Variants in NEK7 observed in about 807,000 individuals in gnomAD.
NEK7 encodes NIMA related kinase 7, also known as serine/threonine-protein kinase Nek7.
Under a neutral mutation model 44.6 loss-of-function variants are expected in NEK7, and 18 were observed. The ratio of observed to expected loss-of-function variants is 0.40; its 90% CI spans 0.28 to 0.60. The LOEUF (loss-of-function observed/expected upper bound fraction) is 0.60, where lower values mean the gene tolerates loss of function less well. Among genes scored for constraint, NEK7 ranks in the 20% least tolerant of loss-of-function variants. The pLI is 0.38. For missense variants in NEK7, 256 were observed against 366.5 expected (o/e 0.70, Z 2.46); for synonymous variants, 130 against 121.1 (o/e 1.07, Z -0.48).
At chr1:198,281,403 T>G (rs1337467197) in intron 7 of NEK7, among the ~76,000 whole-genome samples, 2 of 152,032 alleles carry the variant, frequency 1.3e-5, no homozygotes, top group African/African-American at 4.8e-5. Context: ...GTTGATTCAT[T>G]TTTTAATTTT....
intron 9 of NEK7, among the ~76,000 whole-genome samples, chr1:198,313,742 T>A (rs1014471827): frequency 9.4e-6 from 1 of 106,146 alleles, no homozygotes; most frequent in Non-Finnish European, 1.7e-5. Flanking sequence ...GAAAATTCTT[T>A]TCTTTAAGAA....
chr1:198,272,937 GT>G (rs1204782897), intron 5 of NEK7, among the ~76,000 whole-genome samples: 2 of 151,430 alleles, frequency 1.3e-5, no homozygotes, highest in Non-Finnish European at 3.0e-5. Context: ...AATTTAAGAG[GT>G]TTTTTTCCCT....
intron 1 of NEK7, chr1:198,198,251 A>G: frequency 3.6e-6 from 2 of 548,240 alleles, no homozygotes; most frequent in Non-Finnish European, 6.7e-6. Flanking sequence ...TCAGCTCAAT[A>G]CATTTTTAGA....
chr1:198,257,478 G>A (rs1246720062), intron 3 of NEK7, among the ~76,000 whole-genome samples: 1 of 152,032 alleles, frequency 6.6e-6, no homozygotes, highest in African/African-American at 2.4e-5. Context: ...TAATACATAG[G>A]CTGATTTTAA....
chr1:198,217,300 A>G (rs1665949377), intron 1 of NEK7, among the ~76,000 whole-genome samples: 1 of 152,128 alleles, frequency 6.6e-6, no homozygotes, highest in Admixed American at 6.5e-5. Flanking sequence ...GTGCAAGTCA[A>G]TAAATGTGAT....
chr1:198,218,465 A>G (rs1665989461), intron 1 of NEK7, among the ~76,000 whole-genome samples: 1 of 151,986 alleles, frequency 6.6e-6, no homozygotes, highest in African/African-American at 2.4e-5. Context: ...AACTATAAAA[A>G]TTCTAGAAGA....
chr1:198,252,546 A>G lies in NEK7; in HGVS notation c.58-494A>G, dbSNP rs1400629184. On this transcript the variant is annotated intron_variant, in intron 2 of 9. Transcript: ENST00000367385. ...TCACATACTATATATATATATATATATATATATATATATATATATATAAAA... is the reference window on the plus strand; with the variant it reads ...TCACATACTATATATATATATATATGTATATATATATATATATATATAAAA... 2.2e-4 allele frequency among the ~76,000 whole-genome samples: 13 copies of G among 58,914 alleles called. No homozygotes were observed. The East Asian group carries it at 8.1e-3, about 37-fold the overall frequency. 38.6% of individuals were successfully genotyped at this position (58,914 alleles called of 152,430 possible).
intron 7 of NEK7, among the ~76,000 whole-genome samples, chr1:198,280,733 A>G (rs548189107): frequency 5.4e-5 from 8 of 148,520 alleles, no homozygotes; most frequent in South Asian, 2.1e-4. Flanking sequence ...TGTAATATAT[A>G]TACATTATGT....
intron 5 of NEK7, among the ~76,000 whole-genome samples, chr1:198,265,577 T>C (rs1455756375): frequency 1.3e-5 from 2 of 152,084 alleles, no homozygotes; most frequent in African/African-American, 4.8e-5. Context: ...GAGTACATAT[T>C]TGGCTTTCTC....
intron 9 of NEK7, among the ~76,000 whole-genome samples, chr1:198,300,797 A>G (rs1654860228): frequency 6.6e-6 from 1 of 152,224 alleles, no homozygotes; most frequent in African/African-American, 2.4e-5. Flanking sequence ...CAATTGAATG[A>G]GTGAGAGAAA....
chr1:198,234,083 G>A (rs903985800), intron 2 of NEK7, among the ~76,000 whole-genome samples: 3 of 152,028 alleles, frequency 2.0e-5, no homozygotes, highest in Admixed American at 6.6e-5. Flanking sequence ...GGAAAGGACT[G>A]TGTCTTATTT....
At chr1:198,173,049 G>A (rs867608883) in intron 1 of NEK7, among the ~76,000 whole-genome samples, 6 of 152,170 alleles carry the variant, frequency 3.9e-5, no homozygotes, top group African/African-American at 9.7e-5. Context: ...GAGCTCTGGT[G>A]TCATCAGTAG....
At chr1:198,252,876 G>A (rs1034094044) in intron 2 of NEK7, among the ~76,000 whole-genome samples, 164 bp from the exon 3 acceptor site, 10 of 151,904 alleles carry the variant, frequency 6.6e-5, no homozygotes, top group Admixed American at 5.9e-4. Context: ...TCGTCAGTGT[G>A]TAGGACAGTG....
intron 2 of NEK7, among the ~76,000 whole-genome samples, chr1:198,244,458 A>G (rs893111113): frequency 3.3e-5 from 5 of 152,150 alleles, no homozygotes; most frequent in African/African-American, 7.2e-5. Context: ...TTATTGTTTA[A>G]GGAGTCTGCA....
At position 198,237,237 on chromosome 1, in the gene NEK7, C is replaced by G. The variant is rs532237753; in HGVS notation, c.57+4600C>G. Among the ~76,000 whole-genome samples the G allele has an allele frequency of 1.8e-4, 27 of 152,298 alleles. No homozygotes were observed. The East Asian group carries it at 5.0e-3, about 28-fold the overall frequency. On this transcript the variant is annotated intron_variant, in intron 2 of 9. Transcript: ENST00000367385. ...CCCCAAGGCTCAGTTCCTTAGACCT[C>G]TTTTCTATCTATATCCCTTACTTAG...
At position 198,320,201 on chromosome 1, in the gene NEK7, A is replaced by G. The variant is rs927442095; in HGVS notation, c.*679A>G. Reference sequence around the variant, plus strand: ...TTTTTGATATTCTCTTTGCATTGAAATGGTATAAATGAATCCATTTAAAAA... The same window carrying G: ...TTTTTGATATTCTCTTTGCATTGAAGTGGTATAAATGAATCCATTTAAAAA... On this transcript the variant is annotated 3_prime_UTR_variant, in exon 10 of 10. Transcript: ENST00000367385. The G allele has an allele frequency of 2.0e-5, 3 of 152,162 alleles. No homozygotes were observed. The highest frequency in any genetic ancestry group is 2.9e-5 in the Non-Finnish European group (2 of 68,018). 9.4% of individuals were successfully genotyped at this position (152,162 alleles called of 1,614,324 possible). A position where few individuals can be genotyped will look rare whatever the true frequency, so the allele number is the denominator to read the frequency against.
chr1:198,221,545 T>G (rs954692596), intron 1 of NEK7, among the ~76,000 whole-genome samples: 1 of 151,724 alleles, frequency 6.6e-6, no homozygotes, highest in African/African-American at 2.4e-5. Context: ...TTAAAAAAAC[T>G]TTTATATTAC....
intron 1 of NEK7, among the ~76,000 whole-genome samples, chr1:198,200,660 C>T (rs935340728): frequency 2.0e-5 from 3 of 151,592 alleles, no homozygotes; most frequent in African/African-American, 7.3e-5. Flanking sequence ...AAGTGATTCT[C>T]CTGCCTTAGC....
intron 8 of NEK7, among the ~76,000 whole-genome samples, chr1:198,294,250 A>T (rs1654646410): frequency 6.6e-6 from 1 of 152,008 alleles, no homozygotes; most frequent in Non-Finnish European, 1.5e-5. Context: ...ATTATGAGTC[A>T]GTAATGTAAC....
Sources: allele counts gnomAD v4.1 joint callset (sites outside exome capture counted in the v4.1 genomes callset), GRCh38; gene constraint gnomAD v4.1.1; transcripts MANE v1.5; gene names NCBI Gene and HGNC (gene_info 2026-07-23, HGNC 2026-07-21).